DLG2: variants seen among roughly 807,000 people sequenced by gnomAD.
DLG2 encodes disks large homolog 2.
DLG2 carries 45 observed loss-of-function variants against 132.5 expected under a neutral mutation model. The observed-to-expected ratio is 0.34, with a 90% confidence interval of 0.27 to 0.44. The LOEUF is 0.44. Ranked by LOEUF, DLG2 falls within the 20% of genes least tolerant of loss-of-function variation. DLG2 has a pLI of 1.00. For synonymous variants in DLG2, 424 were observed against 419.6 expected, an observed-to-expected ratio of 1.01 and a Z score of -0.13; for missense variants, 1,045 against 1,196.9, an observed-to-expected ratio of 0.87 and a Z score of 1.87.
At chr11:84,142,003 G>C (rs992369539) in intron 9 of DLG2, among the ~76,000 whole-genome samples, 1 of 151,882 alleles carries the variant, frequency 6.6e-6, no homozygotes. Flanking sequence ...TCTAGCTCCA[G>C]GTAGAAAGGA....
At chr11:85,479,297 T>A (rs2093227492) in intron 3 of DLG2, among the ~76,000 whole-genome samples, 1 of 152,186 alleles carries the variant, frequency 6.6e-6, no homozygotes, top group South Asian at 2.1e-4. Flanking sequence ...GCCCGCTTAC[T>A]TCTTAGAAGA....
chr11:84,143,153 G>C (rs1030907111), intron 9 of DLG2, among the ~76,000 whole-genome samples: 2 of 149,094 alleles, frequency 1.3e-5, no homozygotes, highest in African/African-American at 4.9e-5. Context: ...AATATAAGGC[G>C]AATAAAATAT....
intron 5 of DLG2, among the ~76,000 whole-genome samples, chr11:85,120,993 T>A (rs2074240542): frequency 6.6e-6 from 1 of 152,064 alleles, no homozygotes; most frequent in Non-Finnish European, 1.5e-5. Flanking sequence ...TCAGCTCCTG[T>A]ATGCATAGTG....
chr11:84,421,550 C>T (rs2098950856), intron 7 of DLG2, among the ~76,000 whole-genome samples: 1 of 152,190 alleles, frequency 6.6e-6, no homozygotes, highest in Non-Finnish European at 1.5e-5. Flanking sequence ...TTGCTCATTT[C>T]TAATACACTC....
chr11:84,119,908 G>A (rs149736827), intron 9 of DLG2, among the ~76,000 whole-genome samples: 65 of 152,248 alleles, frequency 4.3e-4, no homozygotes, highest in Non-Finnish European at 7.4e-4. Context: ...GATATGAAAT[G>A]CCTCCTACTG....
intron 18 of DLG2, among the ~76,000 whole-genome samples, chr11:83,637,259 T>C (rs2065093689): frequency 6.6e-6 from 1 of 152,190 alleles, no homozygotes; most frequent in South Asian, 2.1e-4. Context: ...CTCATATCTA[T>C]GCCTGTCCCT....
In DLG2 at chr11:85,233,916, T is replaced by A. The variant is rs182201314; in HGVS notation, c.186+51304A>T. Among the ~76,000 whole-genome samples the A allele has an allele frequency of 5.9e-5, 9 of 151,954 alleles. No homozygotes were observed. The East Asian group carries it at 1.2e-3, about 20-fold the overall frequency. The stretch of plus-strand genomic sequence containing the variant: ...GAAATATCTTTAATTTTCACAACAA[T>A]CCTGAGAAATATTAGCTTGGCAATT... On this transcript the variant is annotated intron_variant, in intron 4 of 27. Transcript: ENST00000376104.
At chr11:84,485,912 A>T (rs546218673) in intron 7 of DLG2, among the ~76,000 whole-genome samples, 36 of 152,266 alleles carry the variant, frequency 2.4e-4, no homozygotes, top group African/African-American at 8.2e-4. Flanking sequence ...CTATATAGTC[A>T]TTCAAGGATC....
chr11:83,710,417 C>T (rs1157243043), intron 18 of DLG2, among the ~76,000 whole-genome samples: 2 of 152,170 alleles, frequency 1.3e-5, no homozygotes, highest in Non-Finnish European at 2.9e-5. Context: ...CCCCGCTCAG[C>T]CTCCCAAATG....
At chr11:84,051,882 A>C (rs11233889) in intron 11 of DLG2, among the ~76,000 whole-genome samples, 12,663 of 151,854 alleles carry the variant, frequency 0.083, 612 homozygotes, top group South Asian at 0.12. Context: ...TATATGCCTG[A>C]TTTATTAAAG....
chr11:84,786,444 G>A (rs1417085267), intron 6 of DLG2, among the ~76,000 whole-genome samples: 1 of 152,066 alleles, frequency 6.6e-6, no homozygotes, highest in East Asian at 1.9e-4. Flanking sequence ...TCCAAGCTAG[G>A]ACATTCCAGA....
intron 6 of DLG2, among the ~76,000 whole-genome samples, chr11:85,058,170 A>T (rs544593615): frequency 6.6e-6 from 1 of 151,670 alleles, no homozygotes; most frequent in South Asian, 2.1e-4. Flanking sequence ...CTATAGACGA[A>T]GCATTAGAAA....
intron 19 of DLG2, among the ~76,000 whole-genome samples, chr11:83,588,865 C>A (rs1028408709): frequency 6.6e-6 from 1 of 151,934 alleles, no homozygotes; most frequent in Non-Finnish European, 1.5e-5. Context: ...GGAGCCGATG[C>A]GATCAACTGG....
Position 83,714,656 on chromosome 11 carries a change from C to T in DLG2, c.1825+72034G>A, listed in dbSNP as rs533773461. The stretch of plus-strand genomic sequence containing the variant: ...TAAAGCTGCTGGATACAGTAAGCTC[C>T]ACAGTAACAGCTATCATTACAGGAG... On this transcript the variant is annotated intron_variant, in intron 18 of 27. Coordinates refer to ENST00000376104, the MANE Select transcript of DLG2 (RefSeq NM_001142699.3). 3.3e-5 allele frequency among the ~76,000 whole-genome samples: 5 copies of T among 152,308 alleles called. No individual in the cohort carries two copies. In the South Asian group the frequency reaches 1.0e-3, roughly 32 times the overall value.
At chr11:85,047,385 T>G (rs1249122404) in intron 6 of DLG2, among the ~76,000 whole-genome samples, 1 of 151,954 alleles carries the variant, frequency 6.6e-6, no homozygotes, top group East Asian at 1.9e-4. Context: ...CATTTCAATT[T>G]TAAGACTCCT....
At chr11:85,483,957 G>T (rs892750400) in intron 3 of DLG2, among the ~76,000 whole-genome samples, 1 of 148,644 alleles carries the variant, frequency 6.7e-6, no homozygotes, top group African/African-American at 2.5e-5. Flanking sequence ...AATATAAAAA[G>T]ATGCAAATTG....
intron 14 of DLG2, among the ~76,000 whole-genome samples, chr11:83,953,313 T>A (rs1591731224): frequency 6.6e-6 from 1 of 152,072 alleles, no homozygotes; most frequent in Non-Finnish European, 1.5e-5. Flanking sequence ...CAGCAGGAGG[T>A]GAGCAGTGAG....
intron 8 of DLG2, among the ~76,000 whole-genome samples, chr11:84,245,642 G>A (rs954483852): frequency 2.0e-5 from 3 of 152,086 alleles, no homozygotes; most frequent in Non-Finnish European, 4.4e-5. Context: ...GCCAGTACTT[G>A]CTAGATGTTT....
At chr11:84,191,924 T>A (rs186215899) in intron 8 of DLG2, among the ~76,000 whole-genome samples, 3 of 150,620 alleles carry the variant, frequency 2.0e-5, no homozygotes, top group Admixed American at 6.6e-5. Flanking sequence ...AAAAAAAAAA[T>A]GCTGAGCACG....
Sources: gnomAD v4.1 joint callset for allele counts (sites outside exome capture counted in the v4.1 genomes callset) on GRCh38, gnomAD v4.1.1 for gene constraint, MANE v1.5 for transcripts, NCBI Gene and HGNC (gene_info 2026-07-23, HGNC 2026-07-21) for gene names.